TMEM91: variants seen among roughly 807,000 people sequenced by gnomAD.
TMEM91 encodes dispanin subfamily C member 3.
TMEM91 carries 6 observed loss-of-function variants against 13.3 expected under a neutral mutation model. The observed-to-expected ratio is 0.45, with a 90% confidence interval of 0.25 to 0.89. TMEM91 has a LOEUF of 0.89. Ranked by LOEUF, TMEM91 falls within the 40% of genes least tolerant of loss-of-function variation. The pLI is 0.19. For missense variants in TMEM91, 193 were observed against 228.7 expected (o/e 0.84, Z 1.01); for synonymous variants, 87 against 101.7 (o/e 0.86, Z 0.87).
intron 1 of TMEM91, among the ~76,000 whole-genome samples, chr19:41,367,342 T>C (rs544625027): frequency 8.5e-5 from 13 of 152,138 alleles, no homozygotes; most frequent in Non-Finnish European, 1.5e-4. Context: ...AGATAAGATC[T>C]TGCTCTGGGG....
intron 2 of TMEM91, among the ~76,000 whole-genome samples, chr19:41,378,925 G>C (rs909976463): frequency 6.6e-6 from 1 of 151,710 alleles, no homozygotes; most frequent in African/African-American, 2.4e-5. Context: ...TTGACCTCCC[G>C]GGCTTAAGCA....
intron 2 of TMEM91, among the ~76,000 whole-genome samples, chr19:41,380,022 A>C (rs2038841934): frequency 6.6e-6 from 1 of 150,376 alleles, no homozygotes; most frequent in African/African-American, 2.5e-5. Flanking sequence ...CAGCCTCCTG[A>C]GTAGCTGGAT....
At chr19:41,379,897 T>TTTC (rs1470637599) in intron 2 of TMEM91, among the ~76,000 whole-genome samples, 34 of 145,506 alleles carry the variant, frequency 2.3e-4, no homozygotes, top group African/African-American at 8.8e-4. Flanking sequence ...CCTTTTTTTT[T>TTTC]TTTTTTTTTT....
In TMEM91 at chr19:41,368,417, CTT is replaced by C. The variant is rs201415320; in HGVS notation, c.-30+4329_-30+4330del. 6.8e-4 allele frequency among the ~76,000 whole-genome samples: 97 copies of C among 141,682 alleles called. 1 individual carries two copies. The highest frequency in any genetic ancestry group is 1.3e-3 in the Admixed American group (19 of 14,284). The allele number at this position is 141,682 out of a possible 152,430, so 92.9% of individuals were successfully genotyped here. ...GGGTGACAGAGTGAAAACCTGTCAC[CTT>C]TTTTTTGGGGGGGGTGGTTATTGGG... is the stretch of plus-strand genomic sequence containing the variant. On this transcript the variant is annotated intron_variant, in intron 1 of 3. Transcript: ENST00000413014.
chr19:41,374,963 A>G (rs145175386), upstream of TMEM91, among the ~76,000 whole-genome samples: 1,284 of 152,218 alleles, frequency 8.4e-3, 15 homozygotes, highest in African/African-American at 0.029. Context: ...AGCCTGGGCA[A>G]CAAGAGTGAA....
At chr19:41,371,077 C>A (rs2038608772) in intron 1 of TMEM91, among the ~76,000 whole-genome samples, 2 of 151,950 alleles carry the variant, frequency 1.3e-5, no homozygotes, top group African/African-American at 4.8e-5. Context: ...TCTCAGCTCA[C>A]CACAACCTCT....
chr19:41,383,226 G>A (rs925742669), intron 3 of TMEM91: 2 of 425,290 alleles, frequency 4.7e-6, no homozygotes, highest in African/African-American at 4.1e-5. Flanking sequence ...GCTAATTTTT[G>A]AATTTTTAAT....
chr19:41,369,611 C>A (rs943571238), intron 1 of TMEM91, among the ~76,000 whole-genome samples: 1 of 151,704 alleles, frequency 6.6e-6, no homozygotes, highest in African/African-American at 2.4e-5. Context: ...TCGAGACAAG[C>A]CTGGCCAACA....
chr19:41,374,850 G>T (rs1269900377), upstream of TMEM91, among the ~76,000 whole-genome samples: 1 of 152,152 alleles, frequency 6.6e-6, no homozygotes, highest in Non-Finnish European at 1.5e-5. Flanking sequence ...AGGTGTGATG[G>T]CGCATTCCTG....
upstream of TMEM91, among the ~76,000 whole-genome samples, chr19:41,373,064 G>T (rs183733165): frequency 2.0e-5 from 3 of 152,016 alleles, no homozygotes; most frequent in Non-Finnish European, 4.4e-5. Flanking sequence ...TCAGTTTCCC[G>T]AGTAGCTTGG....
intron 3 of TMEM91, chr19:41,383,254 A>T: frequency 2.6e-6 from 1 of 388,678 alleles, no homozygotes; most frequent in East Asian, 4.4e-5. Context: ...GGGTTTCACC[A>T]CGTTGGCCAC....
upstream of TMEM91, among the ~76,000 whole-genome samples, chr19:41,375,154 C>T (rs1239276131): frequency 6.6e-6 from 1 of 152,058 alleles, no homozygotes; most frequent in Non-Finnish European, 1.5e-5. Context: ...GCTTCCTCCT[C>T]ACCCATTGGC....
Position 41,383,745 on chromosome 19 carries a change from CA to C in TMEM91, c.392del (p.Gln131ArgfsTer30), listed in dbSNP as rs765438270. On this transcript the variant is annotated frameshift_variant, in exon 4 of 4. Transcript: ENST00000392002. LOFTEE classifies it high-confidence loss of function. ...CAAGGCTTGGGCCAAGGGGGACATC[CA>C]GGGGGCAGGGGCCGCCTCCCGCCGT... Reference protein sequence around the residue: ...TNKAWAKGDIQGAGAASRRAF... With the variant: ...TNKAWAKGDIXGAGAASRRAF... 4.4e-6 allele frequency: 7 copies of C among 1,607,900 alleles called. No individual in the cohort carries two copies. The Admixed American group carries it at 1.0e-4, about 23-fold the overall frequency.
intron 1 of TMEM91, among the ~76,000 whole-genome samples, chr19:41,368,042 A>T (rs2038556084): frequency 6.6e-6 from 1 of 152,164 alleles, no homozygotes; most frequent in South Asian, 2.1e-4. Context: ...CAGGCTACAT[A>T]GCAACATTCC....
rs777915997 is a variant in TMEM91 at position 41,382,916 on chromosome 19, CAGA to C, written c.358_360del (p.Lys120del). 3.7e-6 allele frequency: 6 copies of C among 1,613,926 alleles called. No homozygotes were observed. In the Admixed American group the frequency reaches 5.0e-5, roughly 13 times the overall value. ...TGGCATCGCTGCCTTCTGTCTAGCC[CAGA>C]AGGTCAGTCTGTGTGTGGGACTTGG... is the stretch of plus-strand genomic sequence containing the variant. On this transcript the variant is annotated inframe_deletion and splice_region_variant, in exon 3 of 4. Transcript: ENST00000392002.
chr19:41,365,390 T>G (rs2038501489), intron 1 of TMEM91, among the ~76,000 whole-genome samples: 1 of 152,102 alleles, frequency 6.6e-6, no homozygotes, highest in Non-Finnish European at 1.5e-5. Flanking sequence ...TGAAATGTTG[T>G]ACCCTCGTTA....
chr19:41,378,365 G>T lies in TMEM91; in HGVS notation c.56G>T (p.Cys19Phe). ...CAGCCTCTGCTGGAGGGCACAGAAT[G>T]TGAGACCCCTGCCCAGAAGCCTGGC... The part of the protein sequence containing the change: ...LQQPLLEGTE[C>F]ETPAQKPGRH... The change falls in exon 2 of 4, where the codon TGT becomes TTT. Residue 19 changes from cysteine to phenylalanine, a missense_variant. By Grantham distance (205) the Cys-to-Phe change is radical. Transcript: ENST00000392002. 1 of 1,614,226 alleles carries T rather than the reference G, an allele frequency of 6.2e-7. No individual in the cohort carries two copies. The highest frequency in any genetic ancestry group is 8.5e-7 in the Non-Finnish European group (1 of 1,180,046).
chr19:41,372,976 T>C (rs2038648383), upstream of TMEM91, among the ~76,000 whole-genome samples: 2 of 151,494 alleles, frequency 1.3e-5, no homozygotes, highest in Middle Eastern at 3.2e-3. Context: ...TTTCACTTTG[T>C]TGCCCAGGCT....
upstream of TMEM91, among the ~76,000 whole-genome samples, chr19:41,375,140 C>T (rs138948248): frequency 2.4e-3 from 361 of 152,212 alleles, no homozygotes; most frequent in African/African-American, 8.4e-3. Flanking sequence ...ACCCACCTGC[C>T]TCTGCTTCCT....
Sources: gnomAD v4.1 joint callset for allele counts (sites outside exome capture counted in the v4.1 genomes callset) on GRCh38, gnomAD v4.1.1 for gene constraint, MANE v1.5 for transcripts, NCBI Gene and HGNC (gene_info 2026-07-23, HGNC 2026-07-21) for gene names.